PCDHA10: variants seen among roughly 807,000 people sequenced by gnomAD.
PCDHA10 encodes the protein protocadherin alpha 10.
In PCDHA10, 45 loss-of-function variants were observed where a neutral mutation model predicts 61.2. That is an observed-to-expected ratio of 0.74 (90% CI 0.58 to 0.94). PCDHA10 has a LOEUF of 0.94. Ranked by LOEUF, PCDHA10 falls within the 40% of genes least tolerant of loss-of-function variation. The pLI is 0.00. For missense variants in PCDHA10, 1,278 were observed against 1,236.2 expected, an observed-to-expected ratio of 1.03 and a Z score of -0.51; for synonymous variants, 602 against 548.8, an observed-to-expected ratio of 1.10 and a Z score of -1.35.
chr5:140,968,962 C>T (rs1554231271), intron 1 of PCDHA10: 29 of 1,614,056 alleles, frequency 1.8e-5, no homozygotes, highest in Non-Finnish European at 2.2e-5. Context: ...TCAAGTGCTA[C>T]CGCTACACTG....
chr5:140,860,366 G>A (rs2046359217), intron 1 of PCDHA10: 1 of 152,102 alleles, frequency 6.6e-6, no homozygotes, highest in African/African-American at 2.4e-5. Flanking sequence ...GGATGACAAA[G>A]TGAGACCCTA....
intron 1 of PCDHA10, among the ~76,000 whole-genome samples, chr5:140,932,302 G>A (rs565143074): frequency 6.6e-6 from 1 of 151,800 alleles, no homozygotes; most frequent in African/African-American, 2.4e-5. Context: ...AATTTTTAAA[G>A]GTATAAATAT....
chr5:140,960,597 C>T (rs1315375637), intron 1 of PCDHA10, among the ~76,000 whole-genome samples: 1 of 152,092 alleles, frequency 6.6e-6, no homozygotes, highest in South Asian at 2.1e-4. Context: ...ATTCAAGGTA[C>T]TTCAACAATA....
At chr5:140,961,876 T>G (rs929753490) in intron 1 of PCDHA10, among the ~76,000 whole-genome samples, 1 of 151,746 alleles carries the variant, frequency 6.6e-6, no homozygotes, top group South Asian at 2.1e-4. Context: ...ATAATTGACT[T>G]ACTTACATCA....
intron 1 of PCDHA10, chr5:140,882,248 CTG>C (rs1554173227): frequency 1.3e-6 from 2 of 1,594,792 alleles, no homozygotes; most frequent in Non-Finnish European, 1.7e-6. Context: ...GCAGATAGCT[CTG>C]AGGTTTTTGG....
intron 1 of PCDHA10, chr5:140,863,012 G>T (rs1562573828): frequency 1.8e-6 from 1 of 552,298 alleles, no homozygotes; most frequent in Non-Finnish European, 3.6e-6. Context: ...CAGCTATGAC[G>T]CCTGGTTGTC....
intron 1 of PCDHA10, among the ~76,000 whole-genome samples, chr5:140,909,036 C>T (rs2074275767): frequency 6.6e-6 from 1 of 152,162 alleles, no homozygotes; most frequent in Non-Finnish European, 1.5e-5. Flanking sequence ...CATTTATTTT[C>T]CATACTCTGG....
intron 1 of PCDHA10, chr5:140,930,379 G>T (rs1249793792): frequency 6.6e-6 from 1 of 151,896 alleles, no homozygotes; most frequent in African/African-American, 2.4e-5. Flanking sequence ...GTGGCCCTTG[G>T]CATTTCAAAA....
chr5:140,946,959 A>C (rs918204180), intron 1 of PCDHA10, among the ~76,000 whole-genome samples: 2 of 151,664 alleles, frequency 1.3e-5, no homozygotes, highest in Non-Finnish European at 3.0e-5. Context: ...GTATATTTCA[A>C]AATATTATAG....
rs374162485 is a variant in PCDHA10 at position 140,856,517 on chromosome 5, T to A, written c.469T>A (p.Ser157Thr). 8 of 1,598,368 alleles carry A rather than the reference T, an allele frequency of 5.0e-6. 1 individual carries two copies. Among genetic ancestry groups the A allele is most frequent in the Non-Finnish European group, 6.0e-6 (7 of 1,167,940 alleles). Residue 157 changes from serine (S) to threonine (T), a missense_variant, in exon 1 of 4, where the codon TCT becomes ACT. Coordinates refer to ENST00000307360, the MANE Select transcript of PCDHA10 (RefSeq NM_018901.4). ...CTCTCGATTTCCACTAGAAGGCGCA[T>A]CTGATGCGGATGTTGGAGAGAACGC... ...LDSRFPLEGA[S>T]DADVGENALL... is the part of the protein sequence containing the mutation.
At chr5:140,877,443 C>T (rs376417721) in intron 1 of PCDHA10, 1 of 1,613,844 alleles carries the variant, frequency 6.2e-7, no homozygotes, top group East Asian at 2.2e-5. Flanking sequence ...ACGGTGAGCC[C>T]GCGCTGACGT....
chr5:140,941,245 TTCTTTCTTTC>T (rs1379125224), intron 1 of PCDHA10, among the ~76,000 whole-genome samples: 44 of 140,720 alleles, frequency 3.1e-4, no homozygotes, highest in Middle Eastern at 3.3e-3. Context: ...CTTTCTTTCT[TTCTTTCTTTC>T]TCTTTCTTTC....
intron 1 of PCDHA10, among the ~76,000 whole-genome samples, chr5:140,913,794 T>A: frequency 6.6e-6 from 1 of 152,194 alleles, no homozygotes. Context: ...ATCATTTGTT[T>A]GAATCAAATT....
At chr5:140,979,548 C>A (rs2153819465) in intron 2 of PCDHA10, among the ~76,000 whole-genome samples, 1 of 152,286 alleles carries the variant, frequency 6.6e-6, no homozygotes, top group African/African-American at 2.4e-5. Context: ...TGACATGGTT[C>A]TTCAGAAGAT....
intron 1 of PCDHA10, among the ~76,000 whole-genome samples, chr5:140,935,903 T>TTC (rs1289164766): frequency 4.6e-4 from 69 of 151,456 alleles, no homozygotes; most frequent in African/African-American, 1.6e-3. Flanking sequence ...TCTTTTTTTT[T>TTC]TTTTTTTGAG....
At chr5:141,002,134 C>T (rs1477082485) in intron 3 of PCDHA10, among the ~76,000 whole-genome samples, 1 of 152,216 alleles carries the variant, frequency 6.6e-6, no homozygotes, top group African/African-American at 2.4e-5. Flanking sequence ...TAGCCTTTGC[C>T]GGCTGCACTG....
At chr5:140,934,729 T>G (rs2090016432) in intron 1 of PCDHA10, among the ~76,000 whole-genome samples, 1 of 152,164 alleles carries the variant, frequency 6.6e-6, no homozygotes, top group Non-Finnish European at 1.5e-5. Context: ...CAAGGCCTTT[T>G]TTAGGTGTCA....
intron 1 of PCDHA10, among the ~76,000 whole-genome samples, chr5:140,948,886 T>C (rs892848820): frequency 6.6e-6 from 1 of 151,684 alleles, no homozygotes; most frequent in Non-Finnish European, 1.5e-5. Context: ...TGCTCTCTTT[T>C]AGATTTTAAG....
chr5:140,989,509 T>G (rs1554250840), intron 3 of PCDHA10, among the ~76,000 whole-genome samples: 1 of 152,196 alleles, frequency 6.6e-6, no homozygotes, highest in African/African-American at 2.4e-5. Context: ...GCTTATAACC[T>G]GAGTTGAGGG....
Sources: gnomAD v4.1 joint callset for allele counts (sites outside exome capture counted in the v4.1 genomes callset) on GRCh38, gnomAD v4.1.1 for gene constraint, MANE v1.5 for transcripts, NCBI Gene and HGNC (gene_info 2026-07-23, HGNC 2026-07-21) for gene names.